Variants in CCDC91 observed in about 807,000 individuals in gnomAD.
CCDC91 encodes the protein coiled-coil domain-containing protein 91.
In CCDC91, 48 loss-of-function variants were observed where a neutral mutation model predicts 63.2. That is an observed-to-expected ratio of 0.76 (90% CI 0.60 to 0.97). The LOEUF (loss-of-function observed/expected upper bound fraction) is 0.97. Among genes scored for constraint, CCDC91 ranks in the 50% least tolerant of loss-of-function variants. CCDC91 has a pLI of 0.00. For missense variants in CCDC91, 500 were observed against 494.6 expected (o/e 1.01, Z -0.10); for synonymous variants, 167 against 165.8 (o/e 1.01, Z -0.06).
intron 12 of CCDC91, among the ~76,000 whole-genome samples, chr12:28,485,054 C>T (rs1323899075): frequency 2.0e-5 from 3 of 151,152 alleles, no homozygotes; most frequent in African/African-American, 7.3e-5. Flanking sequence ...AATTGGTGGT[C>T]AAAATGGCAA....
chr12:28,344,648 T>G (rs1231577162), intron 6 of CCDC91, among the ~76,000 whole-genome samples: 1 of 152,182 alleles, frequency 6.6e-6, no homozygotes, highest in Non-Finnish European at 1.5e-5. Context: ...GGTTACTATG[T>G]GCAAGGCACT....
intron 6 of CCDC91, among the ~76,000 whole-genome samples, 159 bp from the exon 7 acceptor site, chr12:28,362,279 T>C (rs1943939773): frequency 9.6e-6 from 1 of 104,422 alleles, no homozygotes; most frequent in South Asian, 3.2e-4. Context: ...TAAGCAAAGC[T>C]TTATATATAT....
intron 8 of CCDC91, among the ~76,000 whole-genome samples, chr12:28,407,601 A>G (rs1592581233): frequency 1.3e-5 from 2 of 152,152 alleles, no homozygotes; most frequent in East Asian, 1.9e-4. Flanking sequence ...TTTCCATGTA[A>G]CTTTTATAAT....
At chr12:28,412,208 T>C (rs952739487) in intron 8 of CCDC91, among the ~76,000 whole-genome samples, 6 of 152,172 alleles carry the variant, frequency 3.9e-5, no homozygotes, top group African/African-American at 1.4e-4. Context: ...AATGATGAAA[T>C]TGCCTAATAT....
chr12:28,252,241 T>C (rs1946162371), intron 1 of CCDC91, among the ~76,000 whole-genome samples: 1 of 152,154 alleles, frequency 6.6e-6, no homozygotes, highest in Non-Finnish European at 1.5e-5. Flanking sequence ...TGTGCCTTGC[T>C]GTGGGTTTTT....
intron 12 of CCDC91, among the ~76,000 whole-genome samples, chr12:28,525,089 T>G (rs575308792): frequency 3.3e-5 from 5 of 152,296 alleles, no homozygotes; most frequent in African/African-American, 1.2e-4. Context: ...TTTGTTTGTT[T>G]CAGTTTCACT....
chr12:28,355,271 C>G (rs1943447833), intron 6 of CCDC91, among the ~76,000 whole-genome samples: 1 of 152,142 alleles, frequency 6.6e-6, no homozygotes, highest in Non-Finnish European at 1.5e-5. Context: ...CCTATTGGAG[C>G]ACTTGATAAG....
chr12:28,252,400 A>G (rs917515210), intron 1 of CCDC91, among the ~76,000 whole-genome samples: 1 of 151,874 alleles, frequency 6.6e-6, no homozygotes, highest in African/African-American at 2.4e-5. Context: ...TAGAGTCCTA[A>G]TAATTAGATA....
chr12:28,479,455 G>A (rs547341958), intron 11 of CCDC91, among the ~76,000 whole-genome samples: 15 of 151,936 alleles, frequency 9.9e-5, no homozygotes, highest in Non-Finnish European at 2.1e-4. Context: ...CACACACTGG[G>A]GCCTGTTGTG....
rs117740181 is a variant in CCDC91, at chr12:28,494,888, A to G, written c.1215+10723A>G. On this transcript the variant is annotated intron_variant, in intron 12 of 12. Transcript: ENST00000536442. The stretch of plus-strand genomic sequence containing the variant: ...AAATCACTGTCTGATTAGGTCTCTT[A>G]TAAATCACTTCCTCCAATGTCTACT... Among the ~76,000 whole-genome samples the G allele has an allele frequency of 8.1e-4, 123 of 151,890 alleles. 2 individuals are homozygous for G. The East Asian group carries it at 0.021, about 26-fold the overall frequency.
At chr12:28,515,896 C>T (rs573436933) in intron 12 of CCDC91, among the ~76,000 whole-genome samples, 1 of 151,972 alleles carries the variant, frequency 6.6e-6, no homozygotes, top group South Asian at 2.1e-4. Context: ...TCCACTCCTT[C>T]CAGTCACTAC....
intron 11 of CCDC91, among the ~76,000 whole-genome samples, chr12:28,455,785 C>A (rs895662960): frequency 6.6e-6 from 1 of 151,834 alleles, no homozygotes. Flanking sequence ...ATCATTAATT[C>A]TAAGTGCTGA....
intron 12 of CCDC91, among the ~76,000 whole-genome samples, chr12:28,540,953 T>G (rs767016817): frequency 6.6e-6 from 1 of 152,108 alleles, no homozygotes; most frequent in Non-Finnish European, 1.5e-5. Flanking sequence ...CTGAGTGGGT[T>G]TGGAAGCAGA....
chr12:28,240,271 A>G (rs1226254762), intron 1 of CCDC91, among the ~76,000 whole-genome samples: 1 of 152,138 alleles, frequency 6.6e-6, no homozygotes, highest in Non-Finnish European at 1.5e-5. Flanking sequence ...TGTATTAATC[A>G]CAGTTTTTAA....
At chr12:28,447,991 CT>C (rs764964768) in intron 8 of CCDC91, among the ~76,000 whole-genome samples, 34 of 152,034 alleles carry the variant, frequency 2.2e-4, no homozygotes, top group Admixed American at 3.9e-4. Flanking sequence ...GCATAGATTA[CT>C]CTTATTCTGT....
intron 12 of CCDC91, among the ~76,000 whole-genome samples, chr12:28,517,361 A>G (rs1454136563): frequency 6.6e-6 from 1 of 151,890 alleles, no homozygotes; most frequent in East Asian, 1.9e-4. Flanking sequence ...GGGCCTTATT[A>G]GTGAGAGTCC....
At chr12:28,511,555 G>A (rs1287341206) in intron 12 of CCDC91, among the ~76,000 whole-genome samples, 2 of 151,846 alleles carry the variant, frequency 1.3e-5, no homozygotes, top group East Asian at 1.9e-4. Flanking sequence ...AAAGAGCCAT[G>A]TGGTTCCAGT....
chr12:28,267,934 A>T (rs538220235), intron 3 of CCDC91, among the ~76,000 whole-genome samples: 1,452 of 102,568 alleles, frequency 0.014, 55 homozygotes, highest in African/African-American at 0.057. Flanking sequence ...AATTATATAT[A>T]ATTATATATA....
chr12:28,281,380 G>A (rs983269789), intron 3 of CCDC91, among the ~76,000 whole-genome samples: 1 of 152,158 alleles, frequency 6.6e-6, no homozygotes, highest in Admixed American at 6.6e-5. Flanking sequence ...GGCACAGGTT[G>A]AAACTGCAGT....
Sources: gnomAD v4.1 joint callset for allele counts (sites outside exome capture counted in the v4.1 genomes callset) on GRCh38, gnomAD v4.1.1 for gene constraint, MANE v1.5 for transcripts, NCBI Gene and HGNC (gene_info 2026-07-23, HGNC 2026-07-21) for gene names.